SLCO5A1: variants seen among roughly 807,000 people sequenced by gnomAD.
SLCO5A1 encodes the protein solute carrier organic anion transporter family member 5A1, also known as organic anion transporter polypeptide-related protein 4.
A neutral mutation model predicts 65.1 loss-of-function variants in SLCO5A1; 39 were observed. The observed-to-expected ratio is 0.60, with a 90% confidence interval of 0.46 to 0.78. The LOEUF is 0.78. SLCO5A1 is among the 30% of genes least tolerant of loss of function. SLCO5A1 has a pLI of 0.00. For missense variants in SLCO5A1, 1,029 were observed against 1,069.4 expected, an observed-to-expected ratio of 0.96 and a Z score of 0.53; for synonymous variants, 438 against 415.7, an observed-to-expected ratio of 1.05 and a Z score of -0.65.
At chr8:69,799,816 T>C (rs1819658952) in intron 2 of SLCO5A1, among the ~76,000 whole-genome samples, 1 of 152,180 alleles carries the variant, frequency 6.6e-6, no homozygotes, top group Admixed American at 6.5e-5. Flanking sequence ...ATCAACTGCC[T>C]CCCACTGGGT....
chr8:69,781,812 C>A (rs1446957364), intron 2 of SLCO5A1, among the ~76,000 whole-genome samples: 1 of 151,978 alleles, frequency 6.6e-6, no homozygotes, highest in African/African-American at 2.4e-5. Flanking sequence ...CATACACCAC[C>A]ACACCCAGCT....
chr8:69,783,029 C>A (rs1387959253), intron 2 of SLCO5A1, among the ~76,000 whole-genome samples: 1 of 152,142 alleles, frequency 6.6e-6, no homozygotes, highest in Non-Finnish European at 1.5e-5. Context: ...AATTTATCTA[C>A]TTCCAAGAGT....
chr8:69,702,938 G>A (rs1392800698), intron 6 of SLCO5A1, among the ~76,000 whole-genome samples: 3 of 151,634 alleles, frequency 2.0e-5, no homozygotes, highest in Admixed American at 1.3e-4. Context: ...GTAAGACCTC[G>A]TCTCTACAAA....
chr8:69,742,000 C>T (rs1816803734), intron 4 of SLCO5A1, among the ~76,000 whole-genome samples: 1 of 152,106 alleles, frequency 6.6e-6, no homozygotes, highest in Admixed American at 6.6e-5. Flanking sequence ...TAGATGATAG[C>T]ACCAGATCAA....
intron 4 of SLCO5A1, among the ~76,000 whole-genome samples, chr8:69,752,003 G>A (rs1817326988): frequency 6.6e-6 from 1 of 152,204 alleles, no homozygotes; most frequent in Non-Finnish European, 1.5e-5. Flanking sequence ...GGCTGAGGCA[G>A]GCAGATCCCT....
intron 2 of SLCO5A1, among the ~76,000 whole-genome samples, chr8:69,779,584 C>T (rs1049239466): frequency 1.3e-5 from 2 of 152,106 alleles, no homozygotes; most frequent in South Asian, 4.1e-4. Context: ...CTTCACATTA[C>T]TTGTGCCATC....
In SLCO5A1 at chr8:69,784,776, A is replaced by G. The variant is rs1036803637; in HGVS notation, c.908-22901T>C. Among the ~76,000 whole-genome samples the G allele has an allele frequency of 6.7e-5, 10 of 150,154 alleles. No individual in the cohort carries two copies. The Admixed American group carries it at 6.7e-4, about 10-fold the overall frequency. Reference sequence around the variant, plus strand: ...GCACTTCAGCCTGGGCAACAGAGCAAGACTCTGTCTGAAAAAAAAAGAAAG... The same window carrying G: ...GCACTTCAGCCTGGGCAACAGAGCAGGACTCTGTCTGAAAAAAAAAGAAAG... On this transcript the variant is annotated intron_variant, in intron 2 of 9. Transcript: ENST00000260126.
intron 2 of SLCO5A1, among the ~76,000 whole-genome samples, chr8:69,783,123 T>C (rs1032743203): frequency 6.6e-6 from 1 of 152,180 alleles, no homozygotes; most frequent in African/African-American, 2.4e-5. Context: ...ATGATCATTA[T>C]TGTTACTTCT....
chr8:69,682,448 C>CAAT (rs1175603342), intron 6 of SLCO5A1, 105 bp from the exon 7 acceptor site: 58 of 1,178,462 alleles, frequency 4.9e-5, no homozygotes, highest in Non-Finnish European at 5.9e-5. Context: ...AATATTCTTC[C>CAAT]CATTGAATCA....
chr8:69,715,580 A>G (rs2933039), intron 5 of SLCO5A1, among the ~76,000 whole-genome samples: 59,452 of 152,020 alleles, frequency 0.39, 13,915 homozygotes, highest in African/African-American at 0.66. Flanking sequence ...CCCTTCCCCT[A>G]GGAGAAGTAA....
At chr8:69,829,727 A>AT (rs1315388153) in intron 2 of SLCO5A1, among the ~76,000 whole-genome samples, 1 of 152,172 alleles carries the variant, frequency 6.6e-6, no homozygotes, top group Non-Finnish European at 1.5e-5. Flanking sequence ...GGAAATTTGA[A>AT]TATGGCCTGA....
intron 2 of SLCO5A1, among the ~76,000 whole-genome samples, chr8:69,784,790 A>C (rs192501158): frequency 2.1e-5 from 3 of 142,480 alleles, no homozygotes; most frequent in African/African-American, 8.0e-5. Flanking sequence ...TCTGTCTGAA[A>C]AAAAAAGAAA....
intron 4 of SLCO5A1, among the ~76,000 whole-genome samples, chr8:69,747,519 G>T (rs988990278): frequency 7.9e-5 from 12 of 152,180 alleles, no homozygotes; most frequent in East Asian, 3.9e-4. Context: ...TATTTACATA[G>T]CATTAACATT....
Position 69,676,618 on chromosome 8 carries a change from G to A in SLCO5A1, c.2080C>T (p.Arg694Ter), listed in dbSNP as rs755181191. Reference sequence around the variant, plus strand: ...AAATTCAGGGACGTACCAAGTGTTCGCAACAAAACAAACTGCATTCCCAGT... The same window carrying A: ...AAATTCAGGGACGTACCAAGTGTTCACAACAAAACAAACTGCATTCCCAGT... ...FALGMQFVLL[R>*]TLAYIPTPIY... The change falls in exon 9 of 10, where the codon CGA (arginine) becomes TGA (stop). Residue 694 changes from arginine to a stop codon, truncating the protein, a stop_gained. Coordinates refer to ENST00000260126, the MANE Select transcript of SLCO5A1 (RefSeq NM_030958.3). LOFTEE classifies it high-confidence loss of function. The A allele has an allele frequency of 1.9e-6, 3 of 1,612,478 alleles. No homozygotes were observed. Among genetic ancestry groups the A allele is most frequent in the Non-Finnish European group, 2.5e-6 (3 of 1,179,232 alleles).
At chr8:69,738,232 A>AT (rs1342627081) in intron 4 of SLCO5A1, 28 bp from the exon 5 acceptor site, 12 of 1,582,352 alleles carry the variant, frequency 7.6e-6, no homozygotes, top group Non-Finnish European at 1.0e-5. Context: ...TGACAAATGA[A>AT]TGTTATAAAC....
At chr8:69,691,507 T>C (rs11995058) in intron 6 of SLCO5A1, among the ~76,000 whole-genome samples, 11,734 of 152,194 alleles carry the variant, frequency 0.077, 461 homozygotes, top group Non-Finnish European at 0.088. Context: ...CTTTTCCCAA[T>C]CGCCCCAGCC....
Position 69,705,079 on chromosome 8 carries a change from C to T in SLCO5A1, c.1574G>A (p.Gly525Glu), listed in dbSNP as rs781590148. ...LLCFSTLFIV[G>E]CESINLGGIN... is the part of the protein sequence containing the mutation. ...GCCCCCTAGATTAATGCTTTCACAT[C>T]CAACAATAAATAGGGTTGAAAAACA... The change falls in exon 6 of 10, where the codon GGA (glycine) becomes GAA (glutamate). Residue 525 changes from glycine (G) to glutamate (E), a missense_variant. Gly to Glu is a moderately conservative substitution (Grantham distance 98, BLOSUM62 -2). Coordinates refer to ENST00000260126, the MANE Select transcript of SLCO5A1 (RefSeq NM_030958.3). 1 of 1,613,970 alleles carries T rather than the reference C, an allele frequency of 6.2e-7. No individual in the cohort carries two copies. The highest frequency in any genetic ancestry group is 8.5e-7 in the Non-Finnish European group (1 of 1,180,044).
At chr8:69,762,180 TTC>T (rs1251560952) in intron 2 of SLCO5A1, among the ~76,000 whole-genome samples, 5 of 95,090 alleles carry the variant, frequency 5.3e-5, no homozygotes, top group African/African-American at 1.4e-4. Flanking sequence ...CTTTCTTTCT[TTC>T]TTTCTTTCTT....
At position 69,686,393 on chromosome 8, in the gene SLCO5A1, G is replaced by A. The variant is rs138437518; in HGVS notation, c.1623-4050C>T. Among the ~76,000 whole-genome samples, 1,236 of 152,224 alleles carry A rather than the reference G, an allele frequency of 8.1e-3. 8 individuals are homozygous for A. The highest frequency in any genetic ancestry group is 0.026 in the African/African-American group (1,075 of 41,506). On this transcript the variant is annotated intron_variant, in intron 6 of 9. Coordinates refer to ENST00000260126, the MANE Select transcript of SLCO5A1 (RefSeq NM_030958.3). Reference sequence around the variant, plus strand: ...CACTTAAATTTTTGGCTTCATATGAGAACCCTTCTTTGGCTATACAGAGCT... The same window carrying A: ...CACTTAAATTTTTGGCTTCATATGAAAACCCTTCTTTGGCTATACAGAGCT...
Sources: gnomAD v4.1 joint callset for allele counts (sites outside exome capture counted in the v4.1 genomes callset) on GRCh38, gnomAD v4.1.1 for gene constraint, MANE v1.5 for transcripts, NCBI Gene and HGNC (gene_info 2026-07-23, HGNC 2026-07-21) for gene names.